Variants in RAVER2 observed in about 807,000 individuals in gnomAD.
RAVER2 encodes ribonucleoprotein, PTB binding 2.
In RAVER2, 46 loss-of-function variants were observed where a neutral mutation model predicts 78.1. The observed-to-expected ratio is 0.59, with a 90% CI of 0.46 to 0.75. The LOEUF is 0.75. Ranked by LOEUF, RAVER2 falls within the 30% of genes least tolerant of loss-of-function variation. RAVER2 has a pLI of 0.00. For missense variants in RAVER2, 793 were observed against 837.5 expected (o/e 0.95, Z 0.66); for synonymous variants, 311 against 313.3 (o/e 0.99, Z 0.08).
At chr1:64,827,030 A>G (rs1654019287) in intron 11 of RAVER2, among the ~76,000 whole-genome samples, 1 of 152,180 alleles carries the variant, frequency 6.6e-6, no homozygotes, top group South Asian at 2.1e-4. Flanking sequence ...GGTGTTCATT[A>G]TACAAGTCTG....
intron 11 of RAVER2, 188 bp downstream of exon 11, chr1:64,815,028 C>A: frequency 2.3e-6 from 1 of 425,956 alleles, no homozygotes; most frequent in African/African-American, 2.1e-5. Context: ...TATCATTTTG[C>A]ACTAGATATT....
intron 1 of RAVER2, among the ~76,000 whole-genome samples, chr1:64,750,390 G>T (rs577496279): frequency 9.3e-5 from 14 of 150,796 alleles, no homozygotes; most frequent in African/African-American, 1.7e-4. Flanking sequence ...GCTTACTGCA[G>T]CCTTAACTCC....
intron 1 of RAVER2, among the ~76,000 whole-genome samples, chr1:64,767,270 G>T (rs775492435): frequency 2.6e-5 from 4 of 151,912 alleles, no homozygotes; most frequent in Non-Finnish European, 4.4e-5. Context: ...GGCACTCGTG[G>T]TATTGTTTTT....
intron 1 of RAVER2, among the ~76,000 whole-genome samples, chr1:64,759,113 T>C (rs866645166): frequency 9.9e-5 from 15 of 151,862 alleles, no homozygotes; most frequent in African/African-American, 3.1e-4. Flanking sequence ...AAGTATTTTC[T>C]TTTGAAGAAG....
chr1:64,783,285 T>C (rs1317804214), intron 4 of RAVER2, among the ~76,000 whole-genome samples: 1 of 152,210 alleles, frequency 6.6e-6, no homozygotes, highest in Admixed American at 6.5e-5. Context: ...TTCTAGGTTC[T>C]AGATCCTTGA....
chr1:64,788,648 C>T (rs576062285), intron 4 of RAVER2, among the ~76,000 whole-genome samples: 3 of 151,678 alleles, frequency 2.0e-5, no homozygotes, highest in African/African-American at 7.3e-5. Context: ...AAAAATTAGC[C>T]AGGCGTTGTG....
intron 4 of RAVER2, among the ~76,000 whole-genome samples, 175 bp from the exon 5 acceptor site, chr1:64,789,213 T>C (rs530317596): frequency 4.5e-4 from 69 of 152,332 alleles, no homozygotes; most frequent in African/African-American, 1.7e-3. Flanking sequence ...TTATGCCATA[T>C]GTATAATTGA....
At chr1:64,782,245 G>A (rs543606010) in intron 4 of RAVER2, among the ~76,000 whole-genome samples, 10 of 152,146 alleles carry the variant, frequency 6.6e-5, no homozygotes, top group Admixed American at 2.0e-4. Context: ...AGGAAAATAC[G>A]TGCCTTTTTG....
At chr1:64,755,824 G>A (rs889696661) in intron 1 of RAVER2, among the ~76,000 whole-genome samples, 4 of 124,758 alleles carry the variant, frequency 3.2e-5, no homozygotes, top group Admixed American at 1.0e-4. Flanking sequence ...TTTACACTTT[G>A]AAATAATCTC....
At chr1:64,817,332 G>A (rs1190176225) in intron 11 of RAVER2, among the ~76,000 whole-genome samples, 1 of 152,238 alleles carries the variant, frequency 6.6e-6, no homozygotes, top group Non-Finnish European at 1.5e-5. Flanking sequence ...CAACCGTTGT[G>A]AAGTTGGTGT....
chr1:64,829,063 A>G (rs1401398226), intron 11 of RAVER2, among the ~76,000 whole-genome samples: 1 of 152,066 alleles, frequency 6.6e-6, no homozygotes, highest in Non-Finnish European at 1.5e-5. Context: ...TGCTGATTTC[A>G]TAGGTCTCAG....
At chr1:64,791,267 A>G (rs1652932775) in intron 5 of RAVER2, among the ~76,000 whole-genome samples, 1 of 152,038 alleles carries the variant, frequency 6.6e-6, no homozygotes, top group Admixed American at 6.6e-5. Context: ...TTTTTATTGG[A>G]GTTTCACTAT....
At chr1:64,790,125 A>G (rs1392363265) in intron 5 of RAVER2, among the ~76,000 whole-genome samples, 2 of 152,222 alleles carry the variant, frequency 1.3e-5, no homozygotes, top group African/African-American at 2.4e-5. Context: ...CTGTTTTAGC[A>G]TTATGAGGAA....
At chr1:64,827,984 C>G (rs1557609295) in intron 11 of RAVER2, among the ~76,000 whole-genome samples, 6 of 152,182 alleles carry the variant, frequency 3.9e-5, no homozygotes, top group Non-Finnish European at 5.9e-5. Flanking sequence ...CTTCTGCCTG[C>G]CAGCTGCTAC....
At chr1:64,790,436 A>G (rs1652905509) in intron 5 of RAVER2, among the ~76,000 whole-genome samples, 1 of 152,196 alleles carries the variant, frequency 6.6e-6, no homozygotes, top group African/African-American at 2.4e-5. Context: ...ATGTTCGAGT[A>G]ACCCTTATTT....
Position 64,763,727 on chromosome 1 carries a change from C to A in RAVER2, c.250-4929C>A, listed in dbSNP as rs552218301. On this transcript the variant is annotated intron_variant, in intron 1 of 11. Transcript: ENST00000294428. ...GACCAGCCTGGCCAACATGGAGAAACCCTGTCTCTACTAAAAAAAACAAAA... is the reference window on the plus strand; with the variant it reads ...GACCAGCCTGGCCAACATGGAGAAAACCTGTCTCTACTAAAAAAAACAAAA... 1.6e-4 allele frequency among the ~76,000 whole-genome samples: 25 copies of A among 152,092 alleles called. 1 individual carries two copies. In the South Asian group the frequency reaches 5.0e-3, roughly 30 times the overall value.
At chr1:64,779,176 C>G (rs1478336337) in intron 3 of RAVER2, among the ~76,000 whole-genome samples, 1 of 151,786 alleles carries the variant, frequency 6.6e-6, no homozygotes, top group African/African-American at 2.4e-5. Context: ...TTCAAGAATA[C>G]AATATGTTGT....
exon 12 of RAVER2, chr1:64,831,723 C>G (rs1170390162): frequency 6.6e-6 from 1 of 152,174 alleles, no homozygotes; most frequent in Non-Finnish European, 1.5e-5. Context: ...TTTTGTGCTG[C>G]CTGCAAGCTA....
intron 1 of RAVER2, among the ~76,000 whole-genome samples, chr1:64,756,623 T>C (rs12046407): frequency 6.6e-6 from 1 of 152,170 alleles, no homozygotes; most frequent in Admixed American, 6.5e-5. Flanking sequence ...TGTTACATCT[T>C]ATACAACCAA....
Sources: allele counts gnomAD v4.1 joint callset (sites outside exome capture counted in the v4.1 genomes callset), GRCh38; gene constraint gnomAD v4.1.1; transcripts MANE v1.5; gene names NCBI Gene and HGNC (gene_info 2026-07-23, HGNC 2026-07-21).